PLCXD3: variants seen among roughly 807,000 people sequenced by gnomAD.
PLCXD3 encodes the protein PI-PLC X domain-containing protein 3.
Under a neutral mutation model 25.5 loss-of-function variants are expected in PLCXD3, and 19 were observed. The ratio of observed to expected loss-of-function variants is 0.75; its 90% CI spans 0.52 to 1.09. The LOEUF is 1.09. Ranked by LOEUF, PLCXD3 falls within the 50% of genes least tolerant of loss-of-function variation. The probability of loss-of-function intolerance (pLI) is 0.00; values close to 1 mark genes in which losing one functional copy is unlikely to be tolerated. For missense variants in PLCXD3, 411 were observed against 388.1 expected, an observed-to-expected ratio of 1.06 and a Z score of -0.50; for synonymous variants, 174 against 137.6, an observed-to-expected ratio of 1.26 and a Z score of -1.85.
chr5:41,351,759 T>A (rs529089988), intron 2 of PLCXD3, among the ~76,000 whole-genome samples: 2 of 152,220 alleles, frequency 1.3e-5, no homozygotes, highest in Non-Finnish European at 2.9e-5. Context: ...ATATTAATGA[T>A]AGTACTATTG....
intron 2 of PLCXD3, among the ~76,000 whole-genome samples, chr5:41,314,540 G>A (rs778644322): frequency 8.5e-5 from 13 of 152,216 alleles, no homozygotes; most frequent in Non-Finnish European, 1.8e-4. Context: ...GAGAGATGCA[G>A]ATTGCATTTT....
intron 1 of PLCXD3, among the ~76,000 whole-genome samples, chr5:41,431,854 T>C (rs1425328108): frequency 6.6e-6 from 1 of 152,126 alleles, no homozygotes; most frequent in Non-Finnish European, 1.5e-5. Context: ...GGAGGGGAAA[T>C]GGTGGTGTGA....
At chr5:41,386,913 C>T (rs942765273) in intron 1 of PLCXD3, among the ~76,000 whole-genome samples, 2 of 151,824 alleles carry the variant, frequency 1.3e-5, no homozygotes, top group African/African-American at 2.4e-5. Flanking sequence ...TGTAGCTGTC[C>T]ATAAGCATCA....
rs549779376 is a variant in PLCXD3 at position 41,374,682 on chromosome 5, AC to A, written c.812+7143del. On this transcript the variant is annotated intron_variant, in intron 2 of 2. Coordinates refer to ENST00000377801, the MANE Select transcript of PLCXD3 (RefSeq NM_001005473.3). ...CTTTTTGTAAATAATGATTATTGGAACACTGGCTTTCCATAGTCTCCTTGTT... is the reference window on the plus strand; with the variant it reads ...CTTTTTGTAAATAATGATTATTGGAAACTGGCTTTCCATAGTCTCCTTGTT... 5.1e-3 allele frequency among the ~76,000 whole-genome samples: 771 copies of A among 152,202 alleles called. 2 individuals are homozygous for A. Among genetic ancestry groups the A allele is most frequent in the Non-Finnish European group, 8.4e-3 (572 of 67,984 alleles).
intron 1 of PLCXD3, chr5:41,456,411 T>C (rs1747754112): frequency 4.2e-6 from 1 of 236,666 alleles, no homozygotes; most frequent in Non-Finnish European, 6.9e-6. Flanking sequence ...GTATAAAATA[T>C]GTATGTACAA....
At chr5:41,405,327 A>G (rs1404062347) in intron 1 of PLCXD3, among the ~76,000 whole-genome samples, 1 of 152,118 alleles carries the variant, frequency 6.6e-6, no homozygotes, top group Non-Finnish European at 1.5e-5. Flanking sequence ...GAAAGTTTTT[A>G]TCTTAGTCTC....
chr5:41,338,915 G>A (rs541030941), intron 2 of PLCXD3, among the ~76,000 whole-genome samples: 62 of 152,100 alleles, frequency 4.1e-4, no homozygotes, highest in Non-Finnish European at 7.1e-4. Context: ...TTCTCACTTG[G>A]GTGTGAAGTG....
chr5:41,351,027 G>C (rs1039385406), intron 2 of PLCXD3, among the ~76,000 whole-genome samples: 1 of 152,128 alleles, frequency 6.6e-6, no homozygotes, highest in Non-Finnish European at 1.5e-5. Flanking sequence ...AAGGACTGGA[G>C]AAAGTATTAA....
chr5:41,375,392 T>G (rs1745260484), intron 2 of PLCXD3, among the ~76,000 whole-genome samples: 1 of 152,104 alleles, frequency 6.6e-6, no homozygotes, highest in Admixed American at 6.6e-5. Context: ...GCCTTATCCC[T>G]CTCTGGGGTG....
rs144857272 is a variant in PLCXD3 at position 41,311,071 on chromosome 5, A to C, written c.*2546T>G. 4.3e-4 allele frequency: 65 copies of C among 152,262 alleles called. No homozygotes were observed. The East Asian group carries it at 7.5e-3, about 18-fold the overall frequency. The allele number at this position is 152,262 out of a possible 1,614,324, so 9.4% of individuals were successfully genotyped here. A position where few individuals can be genotyped will look rare whatever the true frequency, so the allele number is the denominator to read the frequency against. ...ACATAGTTACCTCTATATTTTATTC[A>C]TGATATGATGAAAAATCTGTTTTCC... On this transcript the variant is annotated 3_prime_UTR_variant, in exon 3 of 3. Coordinates refer to ENST00000377801, the MANE Select transcript of PLCXD3 (RefSeq NM_001005473.3).
intron 1 of PLCXD3, 134 bp downstream of exon 1, chr5:41,510,290 C>A: frequency 1.3e-6 from 1 of 796,400 alleles, no homozygotes; most frequent in Non-Finnish European, 2.0e-6. Context: ...GCTCGCCTGG[C>A]CTGAGACCCA....
At chr5:41,439,006 C>T (rs1244875112) in intron 1 of PLCXD3, among the ~76,000 whole-genome samples, 2 of 152,120 alleles carry the variant, frequency 1.3e-5, no homozygotes, top group South Asian at 2.1e-4. Flanking sequence ...AGGAGAGCCC[C>T]GGTCTTTAGC....
At chr5:41,490,324 G>T (rs1334139206) in intron 1 of PLCXD3, among the ~76,000 whole-genome samples, 4 of 152,154 alleles carry the variant, frequency 2.6e-5, no homozygotes, top group African/African-American at 9.7e-5. Context: ...ACATGCTGCT[G>T]GATTCAGTTT....
intron 1 of PLCXD3, among the ~76,000 whole-genome samples, chr5:41,497,947 T>C (rs1413356112): frequency 1.3e-5 from 2 of 151,638 alleles, no homozygotes; most frequent in African/African-American, 4.8e-5. Context: ...TAACAACCAA[T>C]TGGTCAAACA....
rs190843897 is a variant in PLCXD3 at position 41,405,438 on chromosome 5, C to T, written c.104-22904G>A. ...TCATATCGTCTACCCCTCCTCCTAT[C>T]AAGTAATAATTATTGTTGGATGTTA... is the stretch of plus-strand genomic sequence containing the variant. On this transcript the variant is annotated intron_variant, in intron 1 of 2. Transcript: ENST00000377801. Among the ~76,000 whole-genome samples, 390 of 152,224 alleles carry T rather than the reference C, an allele frequency of 2.6e-3. 1 individual carries two copies. Among genetic ancestry groups the T allele is most frequent in the African/African-American group, 8.9e-3 (371 of 41,536 alleles).
rs79621465 is a variant in PLCXD3, at chr5:41,400,411, C to T, written c.104-17877G>A. Among the ~76,000 whole-genome samples the T allele has an allele frequency of 4.2e-3, 639 of 152,138 alleles. 6 individuals are homozygous for T. The highest frequency in any genetic ancestry group is 0.015 in the African/African-American group (608 of 41,504). On this transcript the variant is annotated intron_variant, in intron 1 of 2. Coordinates refer to ENST00000377801, the MANE Select transcript of PLCXD3 (RefSeq NM_001005473.3). ...CCTATGTTTGTTGCAGCACTGTTTA[C>T]AATACCTAAGATTTGGAAGCAACCT...
At chr5:41,390,926 G>A (rs569671429) in intron 1 of PLCXD3, among the ~76,000 whole-genome samples, 2 of 152,182 alleles carry the variant, frequency 1.3e-5, no homozygotes. Context: ...CACAGCAATT[G>A]TGAGGCATTG....
chr5:41,351,157 A>G (rs1296038676), intron 2 of PLCXD3, among the ~76,000 whole-genome samples: 2 of 152,150 alleles, frequency 1.3e-5, no homozygotes, highest in Non-Finnish European at 2.9e-5. Flanking sequence ...ACTTGTTCTA[A>G]TTTTTGGATT....
chr5:41,471,414 G>C (rs539775758), intron 1 of PLCXD3, among the ~76,000 whole-genome samples: 1 of 152,298 alleles, frequency 6.6e-6, no homozygotes, highest in Admixed American at 6.5e-5. Context: ...TGTCACAGCA[G>C]AAAGCAAAAC....
Sources: allele counts gnomAD v4.1 joint callset (sites outside exome capture counted in the v4.1 genomes callset), GRCh38; gene constraint gnomAD v4.1.1; transcripts MANE v1.5; gene names NCBI Gene and HGNC (gene_info 2026-07-23, HGNC 2026-07-21).